USP45: variants seen among roughly 807,000 people sequenced by gnomAD.
USP45 encodes the protein ubiquitin carboxyl-terminal hydrolase 45.
A neutral mutation model predicts 95.8 loss-of-function variants in USP45; 89 were observed. The observed-to-expected ratio is 0.93, with a 90% CI of 0.78 to 1.11. The LOEUF (loss-of-function observed/expected upper bound fraction) is 1.11. USP45 is among the 50% of genes least tolerant of loss of function. The pLI, the probability that USP45 is intolerant of heterozygous loss-of-function variation, is 0.00. For missense variants in USP45, 898 were observed against 942.5 expected, an observed-to-expected ratio of 0.95 and a Z score of 0.62; for synonymous variants, 281 against 316.2, an observed-to-expected ratio of 0.89 and a Z score of 1.18.
At chr6:99,494,053 T>G (rs1795776180) in intron 5 of USP45, among the ~76,000 whole-genome samples, 1 of 152,196 alleles carries the variant, frequency 6.6e-6, no homozygotes, top group South Asian at 2.1e-4. Context: ...ATTTTTATTA[T>G]CATTTCTTTT....
At chr6:99,439,457 A>C (rs764421807) in intron 16 of USP45, among the ~76,000 whole-genome samples, 2 of 152,210 alleles carry the variant, frequency 1.3e-5, no homozygotes, top group African/African-American at 2.4e-5. Flanking sequence ...AACAGTTCAC[A>C]AGGAACAATC....
chr6:99,438,862 T>C lies in USP45; in HGVS notation c.2160+907A>G, dbSNP rs188060818. 2.0e-5 allele frequency among the ~76,000 whole-genome samples: 3 copies of C among 152,342 alleles called. No individual in the cohort carries two copies. In the East Asian group the frequency reaches 5.8e-4, roughly 29 times the overall value. On this transcript the variant is annotated intron_variant, in intron 16 of 17. Transcript: ENST00000500704. ...TTTAGGGCTGGGTGCTGGAAGTTCA[T>C]GGTACTGTTCTATTTGCTTTTGTGT...
intron 5 of USP45, among the ~76,000 whole-genome samples, chr6:99,503,161 A>G (rs985647065): frequency 4.6e-5 from 7 of 152,152 alleles, no homozygotes; most frequent in African/African-American, 1.4e-4. Flanking sequence ...AAATAAGTAA[A>G]CTAAGCAATA....
At chr6:99,514,139 T>G (rs575490850) in intron 1 of USP45, among the ~76,000 whole-genome samples, 1 of 152,200 alleles carries the variant, frequency 6.6e-6, no homozygotes, top group Non-Finnish European at 1.5e-5. Flanking sequence ...ATAGTTGAAT[T>G]CATGGCTGAC....
chr6:99,510,062 G>T, intron 2 of USP45, 59 bp downstream of exon 2: 1 of 1,320,020 alleles, frequency 7.6e-7, no homozygotes. Context: ...TTGTTGAAGG[G>T]TCAACTGCAT....
chr6:99,449,646 T>C (rs1307947912), intron 13 of USP45, among the ~76,000 whole-genome samples: 1 of 83,058 alleles, frequency 1.2e-5, no homozygotes, highest in East Asian at 2.3e-4. Context: ...TTAACAAGGA[T>C]AGCCAGGAAT....
At chr6:99,508,122 C>T (rs1312355526) in intron 3 of USP45, among the ~76,000 whole-genome samples, 1 of 152,048 alleles carries the variant, frequency 6.6e-6, no homozygotes, top group Non-Finnish European at 1.5e-5. Flanking sequence ...CCTGAAGTGG[C>T]CTTACTTCTG....
intron 14 of USP45, 101 bp downstream of exon 14, chr6:99,445,696 C>G: frequency 3.4e-6 from 3 of 893,164 alleles, no homozygotes; most frequent in Non-Finnish European, 4.9e-6. Context: ...CTAAGTAACA[C>G]AAGTATAGGG....
intron 13 of USP45, among the ~76,000 whole-genome samples, chr6:99,448,085 T>C (rs542988517): frequency 1.3e-5 from 2 of 152,038 alleles, no homozygotes; most frequent in African/African-American, 4.8e-5. Context: ...ACCACAAAGA[T>C]GGGGAAAAAA....
chr6:99,480,836 C>T (rs1792220018), intron 8 of USP45, among the ~76,000 whole-genome samples: 1 of 152,068 alleles, frequency 6.6e-6, no homozygotes, highest in South Asian at 2.1e-4. Context: ...CAGAAATAAA[C>T]CCAAACACAT....
chr6:99,452,091 A>G (rs1391377924), intron 13 of USP45, among the ~76,000 whole-genome samples: 1 of 152,230 alleles, frequency 6.6e-6, no homozygotes, highest in Admixed American at 6.5e-5. Flanking sequence ...AAGAAAACCT[A>G]GGCAATACCA....
At position 99,446,165 on chromosome 6, in the gene USP45, G is replaced by A. The variant is rs1782508962; in HGVS notation, c.1607C>T (p.Pro536Leu). The change falls in exon 14 of 18, where the codon CCT becomes CTT. Residue 536 changes from proline (P) to leucine (L), a missense_variant. By Grantham distance (98) the Pro-to-Leu change is moderately conservative. Coordinates refer to ENST00000500704, the MANE Select transcript of USP45 (RefSeq NM_001346022.3). ...SGVQPDGPLY[P>L]LSAGKLLYTK... Reference sequence around the variant, plus strand: ...GTACAGCAGTTTACCTGCTGACAGAGGGTAAAGGGGTCCATCTGGCTGCAC... The same window carrying A: ...GTACAGCAGTTTACCTGCTGACAGAAGGTAAAGGGGTCCATCTGGCTGCAC... The A allele has an allele frequency of 6.2e-7, 1 of 1,614,036 alleles. No homozygotes were observed. The highest frequency in any genetic ancestry group is 1.3e-5 in the African/African-American group (1 of 74,920).
At position 99,468,537 on chromosome 6, in the gene USP45, C is replaced by A. The variant is rs1325176145; in HGVS notation, c.1015G>T (p.Ala339Ser). 1.3e-6 allele frequency: 2 copies of A among 1,589,352 alleles called. No homozygotes were observed. The highest frequency in any genetic ancestry group is 2.2e-5 in the South Asian group (2 of 88,910). The change falls in exon 10 of 18, where the codon GCA becomes TCA. Residue 339 changes from alanine (A) to serine (S), a missense_variant and splice_region_variant. Ala to Ser is a moderately conservative substitution (Grantham distance 99, BLOSUM62 1). Coordinates refer to ENST00000500704, the MANE Select transcript of USP45 (RefSeq NM_001346022.3). The stretch of plus-strand genomic sequence containing the variant: ...AAGTTTTAACAAAGAGTCAACATAC[C>A]TTTGACTTTTTTTCTAGTTTCATCA... The part of the protein sequence containing the change: ...ADDETRKKVK[A>S]YGKEGVKMNF...
intron 9 of USP45, among the ~76,000 whole-genome samples, chr6:99,474,244 C>G (rs12524076): frequency 6.6e-6 from 1 of 152,206 alleles, no homozygotes; most frequent in African/African-American, 2.4e-5. Flanking sequence ...GTTGCCCAGG[C>G]TGGAGTGCAG....
At chr6:99,445,531 A>T (rs917028050) in intron 14 of USP45, among the ~76,000 whole-genome samples, 5 of 151,918 alleles carry the variant, frequency 3.3e-5, no homozygotes, top group Non-Finnish European at 5.9e-5. Flanking sequence ...GATAGATTTC[A>T]GATAGGTAGT....
intron 5 of USP45, among the ~76,000 whole-genome samples, chr6:99,492,400 GC>G (rs11308829): frequency 0.85 from 129,867 of 152,218 alleles, 56,122 homozygotes; most frequent in East Asian, 1. Context: ...CACACAAGTG[GC>G]CAAGGGTCTG....
intron 5 of USP45, among the ~76,000 whole-genome samples, chr6:99,493,152 G>A (rs773031844): frequency 6.6e-6 from 1 of 151,550 alleles, no homozygotes; most frequent in South Asian, 2.1e-4. Context: ...TCAGCCTCCC[G>A]AGTAACTGGG....
chr6:99,449,065 A>C (rs1783220629), intron 13 of USP45, among the ~76,000 whole-genome samples: 1 of 152,218 alleles, frequency 6.6e-6, no homozygotes, highest in South Asian at 2.1e-4. Flanking sequence ...CCACAGCAAA[A>C]ACATGCCAAA....
At chr6:99,483,464 A>T (rs1792932789) in intron 7 of USP45, among the ~76,000 whole-genome samples, 1 of 152,168 alleles carries the variant, frequency 6.6e-6, no homozygotes, top group Non-Finnish European at 1.5e-5. Context: ...TTTCTAAAGT[A>T]CTATCCCCAC....
Sources: gnomAD v4.1 joint callset for allele counts (sites outside exome capture counted in the v4.1 genomes callset) on GRCh38, gnomAD v4.1.1 for gene constraint, MANE v1.5 for transcripts, NCBI Gene and HGNC (gene_info 2026-07-23, HGNC 2026-07-21) for gene names.